The following ARL8B variants were observed in gnomAD, a reference collection of about 807,000 sequenced individuals.
ARL8B encodes the protein ADP-ribosylation factor-like protein 8B.
Under a neutral mutation model 30.6 loss-of-function variants are expected in ARL8B, and 9 were observed. The ratio of observed to expected loss-of-function variants is 0.29; its 90% confidence interval spans 0.18 to 0.51. ARL8B has a LOEUF of 0.51. Ranked by LOEUF, ARL8B falls within the 20% of genes least tolerant of loss-of-function variation. ARL8B has a pLI of 0.97. For missense variants in ARL8B, 130 were observed against 227.2 expected, an observed-to-expected ratio of 0.57 and a Z score of 2.75; for synonymous variants, 74 against 76.0, an observed-to-expected ratio of 0.97 and a Z score of 0.14.
At chr3:5,142,055 G>A (rs761815056) in intron 1 of ARL8B, among the ~76,000 whole-genome samples, 3 of 152,140 alleles carry the variant, frequency 2.0e-5, no homozygotes, top group Non-Finnish European at 2.9e-5. Context: ...TCTGCTTTCA[G>A]TGGCCGTGTG....
intron 1 of ARL8B, among the ~76,000 whole-genome samples, chr3:5,132,500 A>G (rs1002423951): frequency 3.9e-5 from 6 of 152,036 alleles, no homozygotes; most frequent in Non-Finnish European, 5.9e-5. Flanking sequence ...CGGCCTCCCA[A>G]AGTGCTGGGA....
intron 1 of ARL8B, among the ~76,000 whole-genome samples, chr3:5,152,724 G>A (rs577563568): frequency 6.6e-6 from 1 of 152,306 alleles, no homozygotes; most frequent in South Asian, 2.1e-4. Flanking sequence ...AGCCTCAAGT[G>A]ATCCTCCTTC....
intron 1 of ARL8B, among the ~76,000 whole-genome samples, chr3:5,160,583 C>G (rs1395254579): frequency 6.6e-6 from 1 of 152,146 alleles, no homozygotes; most frequent in Non-Finnish European, 1.5e-5. Flanking sequence ...TTTGTATTAA[C>G]AGGCAGTAGA....
At chr3:5,164,599 G>A (rs183517362) in intron 1 of ARL8B, among the ~76,000 whole-genome samples, 1 of 152,112 alleles carries the variant, frequency 6.6e-6, no homozygotes, top group African/African-American at 2.4e-5. Context: ...TGAGGCCCTT[G>A]TTTTCTAAGT....
At chr3:5,175,948 G>C (rs962571354) in intron 6 of ARL8B, among the ~76,000 whole-genome samples, 3 of 152,150 alleles carry the variant, frequency 2.0e-5, no homozygotes, top group Non-Finnish European at 4.4e-5. Context: ...CCTATTTCCA[G>C]TAAAAGTCAC....
Position 5,136,261 on chromosome 3 carries a change from G to C in ARL8B, c.123+13673G>C, listed in dbSNP as rs1389869604. Among the ~76,000 whole-genome samples the C allele has an allele frequency of 4.6e-5, 7 of 151,968 alleles. 1 individual carries two copies. The highest frequency in any genetic ancestry group is 2.6e-4 in the Admixed American group (4 of 15,254). On this transcript the variant is annotated intron_variant, in intron 1 of 6. Transcript: ENST00000256496. Reference sequence around the variant, plus strand: ...ACGTAAGGCATTATATTATTCTTTTGGCCCTCTTGCTTTAAGTAGACATTT... The same window carrying C: ...ACGTAAGGCATTATATTATTCTTTTCGCCCTCTTGCTTTAAGTAGACATTT...
intron 1 of ARL8B, among the ~76,000 whole-genome samples, chr3:5,149,837 C>T (rs1447822803): frequency 2.0e-5 from 3 of 152,186 alleles, no homozygotes; most frequent in Non-Finnish European, 4.4e-5. Context: ...ATCCCTACCA[C>T]ATTTGGTTGG....
At chr3:5,142,154 G>A (rs2054379965) in intron 1 of ARL8B, among the ~76,000 whole-genome samples, 1 of 152,170 alleles carries the variant, frequency 6.6e-6, no homozygotes, top group Non-Finnish European at 1.5e-5. Flanking sequence ...ATGGTAACAA[G>A]TTGGGGAGGT....
At chr3:5,129,696 G>A (rs1195295304) in intron 1 of ARL8B, among the ~76,000 whole-genome samples, 2 of 152,052 alleles carry the variant, frequency 1.3e-5, no homozygotes, top group Non-Finnish European at 2.9e-5. Flanking sequence ...ACAGGCGTAT[G>A]TCACTACGCC....
intron 1 of ARL8B, among the ~76,000 whole-genome samples, chr3:5,132,264 T>A (rs746461227): frequency 7.2e-5 from 11 of 152,034 alleles, no homozygotes; most frequent in Middle Eastern, 3.2e-3. Context: ...CATTATTATT[T>A]TTTTTTTTGA....
chr3:5,159,245 A>G (rs2054558608), intron 1 of ARL8B, among the ~76,000 whole-genome samples: 1 of 144,422 alleles, frequency 6.9e-6, no homozygotes, highest in Non-Finnish European at 1.5e-5. Context: ...GGCTGCGGTG[A>G]GCCACGATCG....
chr3:5,178,742 T>C lies in ARL8B; in HGVS notation c.*29T>C. ...ATCTCCTGAAGTCTTCCAGTCCTTC[T>C]TGGCTATAATCCTAGAATTATTGTC... is the stretch of plus-strand genomic sequence containing the variant. On this transcript the variant is annotated 3_prime_UTR_variant, in exon 7 of 7. Coordinates refer to ENST00000256496, the MANE Select transcript of ARL8B (RefSeq NM_018184.3). The C allele has an allele frequency of 1.9e-6, 3 of 1,611,374 alleles. No homozygotes were observed. The highest frequency in any genetic ancestry group is 2.5e-6 in the Non-Finnish European group (3 of 1,179,566).
intron 1 of ARL8B, among the ~76,000 whole-genome samples, chr3:5,162,207 G>A (rs966951302): frequency 2.6e-5 from 4 of 152,228 alleles, no homozygotes; most frequent in Admixed American, 2.0e-4. Flanking sequence ...TGCATAGTAT[G>A]AGAGCTATAG....
intron 1 of ARL8B, among the ~76,000 whole-genome samples, chr3:5,123,854 C>T (rs900219694): frequency 2.0e-5 from 3 of 152,144 alleles, no homozygotes; most frequent in East Asian, 1.9e-4. Context: ...TGTTGTTCGG[C>T]TCCTTTTCTA....
At chr3:5,134,045 T>C (rs1207294265) in intron 1 of ARL8B, among the ~76,000 whole-genome samples, 1 of 152,204 alleles carries the variant, frequency 6.6e-6, no homozygotes, top group Non-Finnish European at 1.5e-5. Context: ...TATATTTAAG[T>C]TCAGTGGCAC....
chr3:5,158,292 C>T (rs2054549384), intron 1 of ARL8B, among the ~76,000 whole-genome samples: 1 of 152,106 alleles, frequency 6.6e-6, no homozygotes, highest in African/African-American at 2.4e-5. Flanking sequence ...CTGGGGCATG[C>T]ATTCTGTCCA....
intron 1 of ARL8B, among the ~76,000 whole-genome samples, chr3:5,130,748 C>T (rs894191542): frequency 6.6e-6 from 1 of 151,936 alleles, no homozygotes; most frequent in Non-Finnish European, 1.5e-5. Flanking sequence ...GTTGGCCAGG[C>T]GAGTCTTGAA....
At chr3:5,142,059 C>T (rs2106558634) in intron 1 of ARL8B, among the ~76,000 whole-genome samples, 1 of 152,132 alleles carries the variant, frequency 6.6e-6, no homozygotes, top group South Asian at 2.1e-4. Flanking sequence ...CTTTCAGTGG[C>T]CGTGTGTGTT....
chr3:5,155,336 C>T (rs894660373), intron 1 of ARL8B, among the ~76,000 whole-genome samples: 5 of 152,086 alleles, frequency 3.3e-5, no homozygotes, highest in African/African-American at 1.2e-4. Context: ...TTATATCTGT[C>T]TTTGTCTTTT....
Sources: gnomAD v4.1 joint callset for allele counts (sites outside exome capture counted in the v4.1 genomes callset) on GRCh38, gnomAD v4.1.1 for gene constraint, MANE v1.5 for transcripts, NCBI Gene and HGNC (gene_info 2026-07-23, HGNC 2026-07-21) for gene names.